Variants in LRCH3 observed in about 807,000 individuals in gnomAD.
The protein encoded by LRCH3 is DISP complex protein LRCH3.
In LRCH3, 68 loss-of-function variants were observed where a neutral mutation model predicts 104.5. The ratio of observed to expected loss-of-function variants is 0.65; its 90% confidence interval spans 0.54 to 0.80. The LOEUF (loss-of-function observed/expected upper bound fraction) is 0.80. Among genes scored for constraint, LRCH3 ranks in the 30% least tolerant of loss-of-function variants. LRCH3 has a pLI of 0.00. For synonymous variants in LRCH3, 344 were observed against 361.3 expected (o/e 0.95, Z 0.54); for missense variants, 951 against 953.9 (o/e 1.00, Z 0.04).
intron 20 of LRCH3, chr3:197,882,822 C>T: frequency 1.0e-6 from 1 of 985,368 alleles, no homozygotes; most frequent in Non-Finnish European, 1.2e-6. Context: ...CCTGCCTAAG[C>T]TTACATAGTA....
chr3:197,830,837 G>A lies in LRCH3; in HGVS notation c.955G>A (p.Gly319Ser). The change falls in exon 7 of 21, where the codon GGT becomes AGT. Residue 319 changes from glycine to serine, a missense_variant. Coordinates refer to ENST00000425562, the MANE Select transcript of LRCH3 (RefSeq NM_001365715.1). ...TTCAGGCTTCAATAGTGTGGACAGT[G>A]GTGATAAGAGATGGTCAGGGAATGA... ...LDSGFNSVDS[G>S]DKRWSGNEPT... 6.2e-7 allele frequency: 1 copy of A among 1,613,952 alleles called. No individual in the cohort carries two copies. Among genetic ancestry groups the A allele is most frequent in the Non-Finnish European group, 8.5e-7 (1 of 1,179,884 alleles).
rs754999037 is a variant in LRCH3 at position 197,835,808 on chromosome 3, C to T, written c.1237C>T (p.Arg413Ter). ...SQFMAYIEQR[R>*]ISHEGSPVKP... Reference sequence around the variant, plus strand: ...GTTTATGGCGTATATTGAACAGCGGCGAATCTCTCATGAGGTAGTACACAG... The same window carrying T: ...GTTTATGGCGTATATTGAACAGCGGTGAATCTCTCATGAGGTAGTACACAG... The change falls in exon 9 of 21, where the codon CGA (arginine) becomes TGA (stop). Residue 413 changes from arginine to a stop codon, truncating the protein, a stop_gained. Transcript: ENST00000425562. LOFTEE classifies it high-confidence loss of function. The T allele has an allele frequency of 3.7e-6, 6 of 1,613,996 alleles. No homozygotes were observed. The highest frequency in any genetic ancestry group is 4.2e-6 in the Non-Finnish European group (5 of 1,179,978).
chr3:197,875,805 T>C (rs778391682), intron 20 of LRCH3, 30 bp downstream of exon 20: 1 of 1,382,082 alleles, frequency 7.2e-7, no homozygotes, highest in South Asian at 1.2e-5. Flanking sequence ...TTATGTTGCC[T>C]AAATAGACTT....
intron 8 of LRCH3, among the ~76,000 whole-genome samples, chr3:197,833,389 AAAG>A: frequency 1.3e-5 from 2 of 149,596 alleles, no homozygotes; most frequent in African/African-American, 4.9e-5. Flanking sequence ...AAAAAAAAAA[AAAG>A]CAGGGCATAG....
intron 1 of LRCH3, among the ~76,000 whole-genome samples, chr3:197,799,646 C>T (rs1382445116): frequency 6.6e-6 from 1 of 151,972 alleles, no homozygotes; most frequent in East Asian, 1.9e-4. Context: ...ATGGGTGGAT[C>T]ACCTGAGATC....
rs1466690593 is a variant in LRCH3 at position 197,847,506 on chromosome 3, GA to G, written c.1380+47del. The G allele has an allele frequency of 8.6e-6, 13 of 1,515,406 alleles. No individual in the cohort carries two copies. In the Admixed American group the frequency reaches 9.2e-5, roughly 11 times the overall value. The allele number at this position is 1,515,406 out of a possible 1,614,324, so 93.9% of individuals were successfully genotyped here. A position where few individuals can be genotyped will look rare whatever the true frequency, so the allele number is the denominator to read the frequency against. ...TTATTTTTGCTTTTTAAACTAAGAT[GA>G]TTTTTTTTCTTTTATAATACTTAAA... On this transcript the variant is annotated intron_variant, in intron 11 of 20. Coordinates refer to ENST00000425562, the MANE Select transcript of LRCH3 (RefSeq NM_001365715.1).
chr3:197,865,919 A>G (rs899051185), intron 16 of LRCH3, among the ~76,000 whole-genome samples, 193 bp from the exon 17 acceptor site: 6 of 152,218 alleles, frequency 3.9e-5, no homozygotes, highest in African/African-American at 1.4e-4. Context: ...CAAAAATAAC[A>G]TGACAATGTA....
At position 197,810,183 on chromosome 3, in the gene LRCH3, G is replaced by A. The variant is rs1215463904; in HGVS notation, c.263-4725G>A. Among the ~76,000 whole-genome samples, 1 of 152,048 alleles carries A rather than the reference G, an allele frequency of 6.6e-6. No individual in the cohort carries two copies. Among genetic ancestry groups the A allele is most frequent in the African/African-American group, 2.4e-5 (1 of 41,390 alleles). ...TTATTTTGTTATTTTTATTTTTTGA[G>A]ATGGAGTTTCACTCCCAGGTTGGAG... On this transcript the variant is annotated intron_variant, in intron 1 of 20. Transcript: ENST00000425562. The surrounding 1 kb of genome is among the most constrained non-coding windows in gnomAD (Gnocchi z 4.0).
intron 1 of LRCH3, among the ~76,000 whole-genome samples, chr3:197,807,218 AT>A (rs57105492): frequency 9.7e-4 from 130 of 134,572 alleles, no homozygotes; most frequent in Middle Eastern, 4.0e-3. Flanking sequence ...ATAGAGTTGC[AT>A]TTTTTTTTTT....
chr3:197,797,893 A>AAAAAAAAAAAAAAC (rs376623079), intron 1 of LRCH3, among the ~76,000 whole-genome samples: 1 of 146,752 alleles, frequency 6.8e-6, no homozygotes, highest in Admixed American at 6.9e-5. Context: ...CAAAAAAAAA[A>AAAAAAAAAAAAAAC]ACAAAACCAG....
rs1739982895 is a variant in LRCH3, at chr3:197,854,231, T to C, written c.1591-161T>C. Among the ~76,000 whole-genome samples the C allele has an allele frequency of 6.6e-6, 1 of 152,240 alleles. No homozygotes were observed. Among genetic ancestry groups the C allele is most frequent in the Admixed American group, 6.5e-5 (1 of 15,286 alleles). The stretch of plus-strand genomic sequence containing the variant: ...CTCAGAACCAACTTACTGACTATTA[T>C]AATGCATGAATTCCAGATGATTGTG... On this transcript the variant is annotated intron_variant, in intron 13 of 20. Transcript: ENST00000425562. The surrounding 1 kb of genome is among the most constrained non-coding windows in gnomAD (Gnocchi z 4.5).
intron 19 of LRCH3, among the ~76,000 whole-genome samples, chr3:197,872,173 A>G (rs1478874126): frequency 6.6e-6 from 1 of 150,758 alleles, no homozygotes; most frequent in Non-Finnish European, 1.5e-5. Context: ...CCAGGACAAT[A>G]TGGCAAAACC....
Position 197,875,741 on chromosome 3 carries a change from T to G in LRCH3, c.2174T>G (p.Phe725Cys), listed in dbSNP as rs541383233. 2.6e-6 allele frequency: 4 copies of G among 1,535,010 alleles called. No homozygotes were observed. Among genetic ancestry groups the G allele is most frequent in the African/African-American group, 2.7e-5 (2 of 73,160 alleles). The change falls in exon 20 of 21, where the codon TTC (phenylalanine) becomes TGC (cysteine). Residue 725 changes from phenylalanine (F) to cysteine (C), a missense_variant. Transcript: ENST00000425562. ...AAATGCAGGCGAAATGTGGAAAATT[T>G]CCTAGAAGCTTGCAGAAAAATTGGT... ...MAKCRRNVEN[F>C]LEACRKIGVP...
At chr3:197,838,243 C>T (rs1221795966) in intron 9 of LRCH3, among the ~76,000 whole-genome samples, 1 of 152,232 alleles carries the variant, frequency 6.6e-6, no homozygotes, top group Non-Finnish European at 1.5e-5. Context: ...CACATAGCGA[C>T]ACTCTGTCTC....
chr3:197,800,380 C>CTAG (rs1731745603), intron 1 of LRCH3, among the ~76,000 whole-genome samples: 1 of 152,208 alleles, frequency 6.6e-6, no homozygotes, highest in Non-Finnish European at 1.5e-5. Flanking sequence ...AACACTTGAA[C>CTAG]TAGTACTTTA....
chr3:197,833,045 C>T (rs1234268250), intron 8 of LRCH3, among the ~76,000 whole-genome samples: 1 of 152,060 alleles, frequency 6.6e-6, no homozygotes, highest in East Asian at 1.9e-4. Flanking sequence ...TTTTCCTTAC[C>T]ATCTTAGATT....
At chr3:197,797,879 AAAAC>A (rs1443459612) in intron 1 of LRCH3, among the ~76,000 whole-genome samples, 17 of 137,530 alleles carry the variant, frequency 1.2e-4, no homozygotes, top group Admixed American at 4.3e-4. Context: ...AAAAACAAAA[AAAAC>A]AAAAAAAAAA....
At position 197,830,877 on chromosome 3, in the gene LRCH3, A is replaced by G. The variant is rs2109279892; in HGVS notation, c.981+14A>G. The stretch of plus-strand genomic sequence containing the variant: ...TCAGGGAATGAAGTAAGTGTTTTTT[A>G]TGTTCCGTGTGTTATAACACCTGAT... On this transcript the variant is annotated intron_variant, in intron 7 of 20. Coordinates refer to ENST00000425562, the MANE Select transcript of LRCH3 (RefSeq NM_001365715.1). The G allele has an allele frequency of 4.4e-6, 7 of 1,586,024 alleles. No homozygotes were observed. The highest frequency in any genetic ancestry group is 3.3e-5 in the South Asian group (3 of 90,492).
chr3:197,818,579 G>T (rs1157883684), intron 3 of LRCH3, among the ~76,000 whole-genome samples: 3 of 152,166 alleles, frequency 2.0e-5, no homozygotes, highest in African/African-American at 7.2e-5. Context: ...TATTTTTGGA[G>T]CCAGTTAGAA....
Sources: gnomAD v4.1 joint callset for allele counts (sites outside exome capture counted in the v4.1 genomes callset) on GRCh38, gnomAD v4.1.1 for gene constraint, Gnocchi (gnomAD v3.1) non-coding constraint, MANE v1.5 for transcripts, NCBI Gene and HGNC (gene_info 2026-07-23, HGNC 2026-07-21) for gene names.